TMEM132C: variants seen among roughly 807,000 people sequenced by gnomAD.
The protein encoded by TMEM132C is transmembrane protein 132C, also known as protein phosphatase 1, regulatory subunit 152.
In TMEM132C, 29 loss-of-function variants were observed where a neutral mutation model predicts 61.4. That is an observed-to-expected ratio of 0.47 (90% CI 0.35 to 0.64). The LOEUF (loss-of-function observed/expected upper bound fraction) is 0.64. Among genes scored for constraint, TMEM132C ranks in the 30% least tolerant of loss-of-function variants. TMEM132C has a pLI of 0.00. For missense variants in TMEM132C, 1,408 were observed against 1,476.9 expected, an observed-to-expected ratio of 0.95 and a Z score of 0.76; for synonymous variants, 656 against 633.1, an observed-to-expected ratio of 1.04 and a Z score of -0.54.
chr12:128,693,068 C>A (rs1045796044), intron 5 of TMEM132C, among the ~76,000 whole-genome samples: 2 of 152,138 alleles, frequency 1.3e-5, no homozygotes, highest in Non-Finnish European at 2.9e-5. Context: ...TAAGGAACCC[C>A]TGAGCTGGGG....
At chr12:128,317,033 T>C (rs1452720590) in intron 1 of TMEM132C, among the ~76,000 whole-genome samples, 1 of 152,238 alleles carries the variant, frequency 6.6e-6, no homozygotes, top group Non-Finnish European at 1.5e-5. Context: ...TCCTGAGGGC[T>C]TGATCTTTTC....
Position 128,695,918 on chromosome 12 carries a change from C to T in TMEM132C, c.1744C>T (p.Leu582Phe), listed in dbSNP as rs950924134. ...LQYQHATVRV[L>F]TQFVSEGAGP... ...ATACCAGCACGCCACCGTGCGGGTC[C>T]TCACCCAGTTTGTGTCTGAGGGCGC... is the stretch of plus-strand genomic sequence containing the variant. Residue 582 changes from leucine to phenylalanine, a missense_variant, in exon 7 of 9, where the codon CTC (leucine) becomes TTC (phenylalanine). Transcript: ENST00000435159. 3.2e-5 allele frequency: 50 copies of T among 1,551,752 alleles called. No individual in the cohort carries two copies. The East Asian group carries it at 6.6e-4, about 20-fold the overall frequency.
At chr12:128,374,180 A>T (rs1874112331) in intron 1 of TMEM132C, among the ~76,000 whole-genome samples, 1 of 152,146 alleles carries the variant, frequency 6.6e-6, no homozygotes. Flanking sequence ...ACACACACAG[A>T]GGTTGGGGGA....
At chr12:128,548,764 T>C (rs555434488) in intron 3 of TMEM132C, among the ~76,000 whole-genome samples, 3 of 152,226 alleles carry the variant, frequency 2.0e-5, no homozygotes, top group East Asian at 1.9e-4. Context: ...TAGTGGAAGA[T>C]TGTGTCTGTA....
chr12:128,473,292 CT>C (rs1458725560), intron 2 of TMEM132C, among the ~76,000 whole-genome samples: 4 of 35,020 alleles, frequency 1.1e-4, no homozygotes, highest in Non-Finnish European at 1.3e-4. Flanking sequence ...TCTCTCCAGC[CT>C]CCGTCTTCAT....
chr12:128,607,479 G>C (rs1876468474), intron 3 of TMEM132C, among the ~76,000 whole-genome samples: 1 of 152,184 alleles, frequency 6.6e-6, no homozygotes, highest in African/African-American at 2.4e-5. Context: ...TAGGGGGTTA[G>C]GGCCGAAATG....
At chr12:128,669,392 C>T in intron 4 of TMEM132C, 25 bp from the exon 5 acceptor site, 3 of 1,551,056 alleles carry the variant, frequency 1.9e-6, no homozygotes, top group Non-Finnish European at 2.6e-6. Flanking sequence ...TCCCTTGACC[C>T]AGTGTGTTTG....
chr12:128,593,960 C>T (rs1048507013), intron 3 of TMEM132C, among the ~76,000 whole-genome samples: 5 of 152,074 alleles, frequency 3.3e-5, no homozygotes, highest in African/African-American at 4.8e-5. Context: ...ACCTCTGGCT[C>T]TCCTGAGTTA....
intron 1 of TMEM132C, among the ~76,000 whole-genome samples, chr12:128,273,342 C>G (rs1409678700): frequency 6.6e-6 from 1 of 152,034 alleles, no homozygotes; most frequent in Non-Finnish European, 1.5e-5. Flanking sequence ...TCTATTTTAT[C>G]TGATATTAAT....
intron 1 of TMEM132C, among the ~76,000 whole-genome samples, chr12:128,344,810 A>G (rs529290355): frequency 9.9e-5 from 15 of 152,160 alleles, no homozygotes; most frequent in Admixed American, 2.0e-4. Flanking sequence ...CTATATATCT[A>G]TATAAATAGG....
chr12:128,533,538 C>T (rs1221935599), intron 2 of TMEM132C, among the ~76,000 whole-genome samples: 3 of 152,064 alleles, frequency 2.0e-5, no homozygotes, highest in Admixed American at 2.0e-4. Flanking sequence ...ACTGTCTGTC[C>T]CAGGCCTCTC....
chr12:128,479,395 A>G (rs1034121009), intron 2 of TMEM132C, among the ~76,000 whole-genome samples: 6 of 152,252 alleles, frequency 3.9e-5, no homozygotes, highest in African/African-American at 1.4e-4. Flanking sequence ...TTGGCAAACT[A>G]CAGCCTACAG....
intron 2 of TMEM132C, among the ~76,000 whole-genome samples, chr12:128,526,403 T>C (rs4882700): frequency 0.95 from 144,633 of 152,244 alleles, 69,069 homozygotes; most frequent in East Asian, 1. Flanking sequence ...GAGGCTCCCT[T>C]AGTCTCTATT....
At chr12:128,369,319 T>A (rs1042069332) in intron 1 of TMEM132C, among the ~76,000 whole-genome samples, 1 of 152,218 alleles carries the variant, frequency 6.6e-6, no homozygotes, top group African/African-American at 2.4e-5. Context: ...TTTTAGAAAC[T>A]CATTTTATTA....
chr12:128,543,648 G>A (rs1593093866), intron 2 of TMEM132C, among the ~76,000 whole-genome samples: 1 of 152,116 alleles, frequency 6.6e-6, no homozygotes, highest in Admixed American at 6.5e-5. Flanking sequence ...GTGAGGAGAC[G>A]GACCCAGGCA....
At chr12:128,535,572 A>G (rs957780400) in intron 2 of TMEM132C, among the ~76,000 whole-genome samples, 1 of 152,228 alleles carries the variant, frequency 6.6e-6, no homozygotes, top group African/African-American at 2.4e-5. Context: ...GGCAATCATT[A>G]AAAAGTCAGA....
chr12:128,638,667 G>T (rs1954120829), intron 4 of TMEM132C, among the ~76,000 whole-genome samples: 1 of 152,160 alleles, frequency 6.6e-6, no homozygotes, highest in South Asian at 2.1e-4. Context: ...TGGCTCCAGG[G>T]TTTATCTTTT....
intron 1 of TMEM132C, among the ~76,000 whole-genome samples, chr12:128,299,007 C>T (rs537613268): frequency 6.6e-5 from 10 of 152,262 alleles, no homozygotes; most frequent in South Asian, 4.2e-4. Context: ...TGGTATTTAA[C>T]GCTGAGAGCA....
chr12:128,566,521 T>A (rs766653410), intron 3 of TMEM132C, among the ~76,000 whole-genome samples: 1 of 152,210 alleles, frequency 6.6e-6, no homozygotes. Context: ...AGCCACACCA[T>A]AGAGGGAAAG....
Sources: gnomAD v4.1 joint callset for allele counts (sites outside exome capture counted in the v4.1 genomes callset) on GRCh38, gnomAD v4.1.1 for gene constraint, MANE v1.5 for transcripts, NCBI Gene and HGNC (gene_info 2026-07-23, HGNC 2026-07-21) for gene names.